The following MAP1LC3B variants were observed in gnomAD, a reference collection of about 807,000 sequenced individuals.
The protein encoded by MAP1LC3B is microtubule associated protein 1 light chain 3 beta, also known as microtubule-associated protein 1 light chain 3 beta.
A neutral mutation model predicts 16.7 loss-of-function variants in MAP1LC3B; 12 were observed. The observed-to-expected ratio is 0.72, with a 90% CI of 0.46 to 1.16. The LOEUF is 1.16. MAP1LC3B is among the 50% of genes most tolerant of loss of function. The pLI, the probability that MAP1LC3B is intolerant of heterozygous loss-of-function variation, is 0.00. For synonymous variants in MAP1LC3B, 63 were observed against 56.5 expected, an observed-to-expected ratio of 1.11 and a Z score of -0.51; for missense variants, 155 against 159.5, an observed-to-expected ratio of 0.97 and a Z score of 0.15.
chr16:87,402,319 G>T, intron 3 of MAP1LC3B, 38 bp downstream of exon 3: 2 of 1,566,506 alleles, frequency 1.3e-6, no homozygotes, highest in South Asian at 2.3e-5. Context: ...TATTTCCTTT[G>T]AGTAACTTCT....
intron 2 of MAP1LC3B, chr16:87,399,619 A>G (rs1446511183): frequency 2.2e-6 from 1 of 455,686 alleles, no homozygotes; most frequent in Non-Finnish European, 4.4e-6. Flanking sequence ...TACTGTATAT[A>G]GAAAAGATGT....
chr16:87,400,843 G>A (rs1303928927), intron 2 of MAP1LC3B, among the ~76,000 whole-genome samples: 1 of 151,678 alleles, frequency 6.6e-6, no homozygotes, highest in Non-Finnish European at 1.5e-5. Flanking sequence ...ACTTTCATTA[G>A]AACTTCAGCT....
At position 87,404,562 on chromosome 16, in the gene MAP1LC3B, G is replaced by C. The variant is rs531095890; in HGVS notation, c.*1465G>C. 9 of 151,788 alleles carry C rather than the reference G, an allele frequency of 5.9e-5. No individual in the cohort carries two copies. Among genetic ancestry groups the C allele is most frequent in the African/African-American group, 2.2e-4 (9 of 41,342 alleles). 9.4% of individuals were successfully genotyped at this position (151,788 alleles called of 1,614,324 possible). A position where few individuals can be genotyped will look rare whatever the true frequency, so the allele number is the denominator to read the frequency against. ...TTTTACATTATGTATATTCTTAACT[G>C]GACTGTCTCGTTTAGACTGTATACA... On this transcript the variant is annotated 3_prime_UTR_variant, in exon 4 of 4. Coordinates refer to ENST00000268607, the MANE Select transcript of MAP1LC3B (RefSeq NM_022818.5).
At chr16:87,396,929 G>C (rs1907828682) in intron 1 of MAP1LC3B, 1 of 152,326 alleles carries the variant, frequency 6.6e-6, no homozygotes, top group Admixed American at 6.5e-5. Flanking sequence ...CCGGGTTCAA[G>C]CGATTCTCCT....
At chr16:87,401,375 T>C (rs965582897) in intron 2 of MAP1LC3B, among the ~76,000 whole-genome samples, 5 of 152,210 alleles carry the variant, frequency 3.3e-5, no homozygotes, top group African/African-American at 1.2e-4. Flanking sequence ...TTGTCTCTCT[T>C]GTACTATATT....
chr16:87,402,520 T>C, intron 3 of MAP1LC3B: 1 of 564,940 alleles, frequency 1.8e-6, no homozygotes, highest in South Asian at 2.5e-5. Context: ...CATAACATCG[T>C]TTAGATGTTT....
rs1719882015 is a variant in MAP1LC3B, at chr16:87,403,308, T to C, written c.*211T>C. 4 of 450,264 alleles carry C rather than the reference T, an allele frequency of 8.9e-6. No homozygotes were observed. The highest frequency in any genetic ancestry group is 7.8e-5 in the Admixed American group (2 of 25,492). 27.9% of individuals were successfully genotyped at this position (450,264 alleles called of 1,614,324 possible). A position where few individuals can be genotyped will look rare whatever the true frequency, so the allele number is the denominator to read the frequency against. On this transcript the variant is annotated 3_prime_UTR_variant, in exon 4 of 4. Transcript: ENST00000268607. ...ATTCAGCTTTGGAAACTATATTATT[T>C]AATGTAGGCTAGCTTGTTTTCAAAT...
intron 1 of MAP1LC3B, among the ~76,000 whole-genome samples, chr16:87,398,212 G>A (rs1175951186): frequency 6.6e-6 from 1 of 151,904 alleles, no homozygotes; most frequent in African/African-American, 2.4e-5. Flanking sequence ...TAGTAGAGAC[G>A]GGACAGGGTT....
rs566255439 is a variant in MAP1LC3B at position 87,398,927 on chromosome 16, A to G, written c.96+57A>G. The G allele has an allele frequency of 1.8e-5, 26 of 1,457,634 alleles. No homozygotes were observed. In the African/African-American group the frequency reaches 2.4e-4, roughly 13 times the overall value. The allele number at this position is 1,457,634 out of a possible 1,614,324, so 90.3% of individuals were successfully genotyped here. On this transcript the variant is annotated intron_variant, in intron 2 of 3. Transcript: ENST00000268607. ...GAATGTACGCAGAGGAGAGCACCGC[A>G]TAAGTGCATCCACTTGACGGGTTTT...
In MAP1LC3B at chr16:87,402,058, G is replaced by A. The variant is rs892360056; in HGVS notation, c.97-117G>A. 24 of 848,352 alleles carry A rather than the reference G, an allele frequency of 2.8e-5. No homozygotes were observed. In the African/African-American group the frequency reaches 3.8e-4, roughly 14 times the overall value. The allele number at this position is 848,352 out of a possible 1,614,324, so 52.6% of individuals were successfully genotyped here. Reference sequence around the variant, plus strand: ...CACCATGTTAGCCAGGGTGGTCTCAGTCTCCTGACCTCGTGATGTGCCCGC... The same window carrying A: ...CACCATGTTAGCCAGGGTGGTCTCAATCTCCTGACCTCGTGATGTGCCCGC... On this transcript the variant is annotated intron_variant, in intron 2 of 3. Coordinates refer to ENST00000268607, the MANE Select transcript of MAP1LC3B (RefSeq NM_022818.5).
At chr16:87,392,556 GGGCCGAGCCGGGA>G in intron 1 of MAP1LC3B, 89 bp downstream of exon 1, 1 of 1,150,582 alleles carries the variant, frequency 8.7e-7, no homozygotes, top group Non-Finnish European at 1.1e-6. Flanking sequence ...TGAGGGGTCG[GGGCCGAGCCGGGA>G]GGCCGAGCGG....
intron 1 of MAP1LC3B, among the ~76,000 whole-genome samples, chr16:87,397,909 G>C (rs1273954871): frequency 6.8e-6 from 1 of 146,974 alleles, no homozygotes; most frequent in Admixed American, 6.8e-5. Flanking sequence ...CTCTCTAACT[G>C]TATTTTTGGG....
In MAP1LC3B at chr16:87,404,544, TTATGTA is replaced by T. The variant is rs1314736227; in HGVS notation, c.*1451_*1456del. The stretch of plus-strand genomic sequence containing the variant: ...AACTTTTAATATGTGTATTTTTACA[TTATGTA>T]TATTCTTAACTGGACTGTCTCGTTT... On this transcript the variant is annotated 3_prime_UTR_variant, in exon 4 of 4. Transcript: ENST00000268607. 6.6e-6 allele frequency: 1 copy of T among 152,296 alleles called. No individual in the cohort carries two copies. Among genetic ancestry groups the T allele is most frequent in the East Asian group, 1.9e-4 (1 of 5,184 alleles). The allele number at this position is 152,296 out of a possible 1,614,324, so 9.4% of individuals were successfully genotyped here.
At chr16:87,397,631 T>TA (rs1223205165) in intron 1 of MAP1LC3B, among the ~76,000 whole-genome samples, 2 of 152,060 alleles carry the variant, frequency 1.3e-5, no homozygotes, top group East Asian at 1.9e-4. Context: ...AAAAGAATGA[T>TA]ACTAAAATTT....
chr16:87,401,970 C>G (rs1178667107), intron 2 of MAP1LC3B, among the ~76,000 whole-genome samples: 2 of 151,976 alleles, frequency 1.3e-5, no homozygotes, highest in Non-Finnish European at 2.9e-5. Flanking sequence ...GTAGCTGGGA[C>G]TACAGGCGCC....
intron 3 of MAP1LC3B, chr16:87,402,586 A>G (rs1021619092): frequency 1.3e-5 from 7 of 533,244 alleles, no homozygotes; most frequent in African/African-American, 5.7e-5. Flanking sequence ...AAGCTAGTTA[A>G]AGAGAATGTA....
rs1015185586 is a variant in MAP1LC3B at position 87,404,228 on chromosome 16, A to T, written c.*1131A>T. ...CAAGAGTTAAACCTCCTCAGGTTCA[A>T]CCTGTGATAAAAGACTAGTGCTTCC... On this transcript the variant is annotated 3_prime_UTR_variant, in exon 4 of 4. Coordinates refer to ENST00000268607, the MANE Select transcript of MAP1LC3B (RefSeq NM_022818.5). The T allele has an allele frequency of 3.3e-5, 5 of 152,202 alleles. No individual in the cohort carries two copies. Among genetic ancestry groups the T allele is most frequent in the Non-Finnish European group, 7.3e-5 (5 of 68,032 alleles). The allele number at this position is 152,202 out of a possible 1,614,324, so 9.4% of individuals were successfully genotyped here.
intron 2 of MAP1LC3B, chr16:87,399,888 C>T (rs570251825): frequency 4.3e-6 from 1 of 234,760 alleles, no homozygotes; most frequent in African/African-American, 2.3e-5. Context: ...ATTCTCCTGC[C>T]TCAGCCTCCT....
Position 87,392,444 on chromosome 16 carries a change from C to T in MAP1LC3B, c.17C>T (p.Thr6Ile), listed in dbSNP as rs1257683827. Reference sequence around the variant, plus strand: ...CCCTGCACCATGCCGTCGGAGAAGACCTTCAAGCAGCGCCGCACCTTCGGT... The same window carrying T: ...CCCTGCACCATGCCGTCGGAGAAGATCTTCAAGCAGCGCCGCACCTTCGGT... MPSEK[T>I]FKQRRTFEQR... The change falls in exon 1 of 4, where the codon ACC becomes ATC. Residue 6 changes from threonine (T) to isoleucine (I), a missense_variant. By Grantham distance (89) the Thr-to-Ile change is moderately conservative. Transcript: ENST00000268607. 2.1e-6 allele frequency: 3 copies of T among 1,405,534 alleles called. No individual in the cohort carries two copies. The highest frequency in any genetic ancestry group is 2.6e-4 in the Middle Eastern group (1 of 3,884). 87.1% of individuals were successfully genotyped at this position (1,405,534 alleles called of 1,614,324 possible).
Sources: allele counts gnomAD v4.1 joint callset (sites outside exome capture counted in the v4.1 genomes callset), GRCh38; gene constraint gnomAD v4.1.1; transcripts MANE v1.5; gene names NCBI Gene and HGNC (gene_info 2026-07-23, HGNC 2026-07-21).